AGBL4: variants seen among roughly 807,000 people sequenced by gnomAD.
AGBL4 encodes cytosolic carboxypeptidase 6.
AGBL4 carries 58 observed loss-of-function variants against 66.4 expected under a neutral mutation model. The observed-to-expected ratio is 0.87, with a 90% CI of 0.71 to 1.09. AGBL4 has a LOEUF of 1.09. AGBL4 is among the 50% of genes least tolerant of loss of function. AGBL4 has a pLI of 0.00. For missense variants in AGBL4, 579 were observed against 631.0 expected, an observed-to-expected ratio of 0.92 and a Z score of 0.88; for synonymous variants, 234 against 222.9, an observed-to-expected ratio of 1.05 and a Z score of -0.44.
At chr1:49,090,650 G>T (rs1644986230) in intron 4 of AGBL4, among the ~76,000 whole-genome samples, 1 of 152,136 alleles carries the variant, frequency 6.6e-6, no homozygotes, top group African/African-American at 2.4e-5. Context: ...TTGTTAAAGT[G>T]ACCATACTGC....
intron 5 of AGBL4, among the ~76,000 whole-genome samples, chr1:49,012,372 A>G (rs537998926): frequency 1.3e-5 from 2 of 152,316 alleles, no homozygotes; most frequent in African/African-American, 4.8e-5. Flanking sequence ...ACATAAAGAC[A>G]GAATTATGAG....
At chr1:48,562,917 A>G (rs1355322087) in intron 11 of AGBL4, among the ~76,000 whole-genome samples, 1 of 152,184 alleles carries the variant, frequency 6.6e-6, no homozygotes, top group Admixed American at 6.6e-5. Context: ...GTTCAGGGTT[A>G]TGGCAGGTAG....
chr1:48,983,692 T>C (rs966851451), intron 5 of AGBL4, among the ~76,000 whole-genome samples: 2 of 152,196 alleles, frequency 1.3e-5, no homozygotes, highest in Non-Finnish European at 2.9e-5. Context: ...GTTCTGGTCA[T>C]GGTTCAGCCA....
At chr1:49,886,816 G>T (rs12136691) in intron 1 of AGBL4, among the ~76,000 whole-genome samples, 13,984 of 152,116 alleles carry the variant, frequency 0.092, 840 homozygotes, top group African/African-American at 0.16. Flanking sequence ...TCCCAAATTA[G>T]ACTTGCACTT....
chr1:49,038,044 T>C (rs1406544742), intron 5 of AGBL4, among the ~76,000 whole-genome samples: 3 of 152,086 alleles, frequency 2.0e-5, no homozygotes, highest in African/African-American at 7.2e-5. Context: ...ACCTTCTAAA[T>C]GAAATCTTAC....
At chr1:49,720,786 A>T (rs1198721768) in intron 2 of AGBL4, among the ~76,000 whole-genome samples, 2 of 152,182 alleles carry the variant, frequency 1.3e-5, no homozygotes, top group Admixed American at 6.5e-5. Flanking sequence ...ATTAGTCAAG[A>T]TATGTAAAAA....
chr1:49,216,645 T>C (rs1649117580), intron 4 of AGBL4, among the ~76,000 whole-genome samples: 2 of 152,276 alleles, frequency 1.3e-5, no homozygotes, highest in South Asian at 2.1e-4. Context: ...AGTATATATA[T>C]ATCACATTTT....
At chr1:49,797,055 G>C (rs1207996861) in intron 2 of AGBL4, among the ~76,000 whole-genome samples, 1 of 152,050 alleles carries the variant, frequency 6.6e-6, no homozygotes, top group Admixed American at 6.6e-5. Flanking sequence ...GGATTATATT[G>C]TTCTTTCTAA....
At chr1:49,827,599 T>C (rs1165748547) in intron 2 of AGBL4, among the ~76,000 whole-genome samples, 2 of 152,208 alleles carry the variant, frequency 1.3e-5, no homozygotes, top group Non-Finnish European at 2.9e-5. Flanking sequence ...ATTTGGTCCA[T>C]AGATTGATGC....
chr1:49,178,073 CAG>C (rs1319242682), intron 4 of AGBL4, among the ~76,000 whole-genome samples: 4 of 152,026 alleles, frequency 2.6e-5, no homozygotes, highest in Non-Finnish European at 4.4e-5. Flanking sequence ...TAGAAAAAGT[CAG>C]TGTATTTAGC....
chr1:49,835,549 T>C (rs1040724646), intron 2 of AGBL4, among the ~76,000 whole-genome samples: 4 of 152,214 alleles, frequency 2.6e-5, no homozygotes, highest in African/African-American at 9.6e-5. Context: ...TGTCTTTTAA[T>C]TGAGACATTT....
At chr1:48,600,837 T>C (rs1645064040) in intron 9 of AGBL4, among the ~76,000 whole-genome samples, 1 of 152,196 alleles carries the variant, frequency 6.6e-6, no homozygotes, top group Non-Finnish European at 1.5e-5. Flanking sequence ...TTTTTTCTAC[T>C]TCTAATTAGT....
At chr1:49,241,512 T>C (rs539014781) in intron 4 of AGBL4, among the ~76,000 whole-genome samples, 16 of 152,234 alleles carry the variant, frequency 1.1e-4, no homozygotes, top group Admixed American at 7.2e-4. Flanking sequence ...AAATTATAAC[T>C]GTTATTACAA....
chr1:48,904,666 C>A (rs1652413096), intron 5 of AGBL4, among the ~76,000 whole-genome samples: 1 of 152,142 alleles, frequency 6.6e-6, no homozygotes, highest in African/African-American at 2.4e-5. Context: ...TAATAAAAAC[C>A]TACCTCTGGA....
chr1:50,013,153 A>T (rs1053462711), intron 1 of AGBL4, among the ~76,000 whole-genome samples: 1 of 152,228 alleles, frequency 6.6e-6, no homozygotes, highest in Non-Finnish European at 1.5e-5. Flanking sequence ...AAAAGCTCTA[A>T]TCAGTACAAC....
chr1:48,859,251 A>T (rs2148816985), intron 6 of AGBL4, among the ~76,000 whole-genome samples: 1 of 152,166 alleles, frequency 6.6e-6, no homozygotes, highest in African/African-American at 2.4e-5. Context: ...ATCCATCCCG[A>T]AGGTTTTCTC....
chr1:49,899,499 C>CA lies in AGBL4; in HGVS notation c.35-47982dup, dbSNP rs781480960. ...TCAAAGGACACTTACTATATATCCA[C>CA]AAAAAAAAAAAAGAAAACAAAAACT... On this transcript the variant is annotated intron_variant, in intron 1 of 13. Transcript: ENST00000371839. Among the ~76,000 whole-genome samples the CA allele has an allele frequency of 5.4e-3, 752 of 138,836 alleles. 4 individuals are homozygous for CA. The highest frequency in any genetic ancestry group is 0.013 in the African/African-American group (509 of 37,994). 91.1% of individuals were successfully genotyped at this position (138,836 alleles called of 152,430 possible).
intron 3 of AGBL4, among the ~76,000 whole-genome samples, chr1:49,444,871 T>A (rs1646117560): frequency 1.3e-5 from 2 of 152,096 alleles, no homozygotes; most frequent in Non-Finnish European, 1.5e-5. Flanking sequence ...TGATTGTTGT[T>A]CTGATAGATT....
intron 5 of AGBL4, among the ~76,000 whole-genome samples, chr1:48,936,805 A>G (rs985170738): frequency 1.3e-5 from 2 of 152,210 alleles, no homozygotes; most frequent in Admixed American, 6.5e-5. Flanking sequence ...ACCCTATTTT[A>G]TGGATGGAGA....
Sources: gnomAD v4.1 joint callset for allele counts (sites outside exome capture counted in the v4.1 genomes callset) on GRCh38, gnomAD v4.1.1 for gene constraint, MANE v1.5 for transcripts, NCBI Gene and HGNC (gene_info 2026-07-23, HGNC 2026-07-21) for gene names.